Variants in PARN observed in about 807,000 individuals in gnomAD.
The protein encoded by PARN is poly(A)-specific ribonuclease PARN.
A neutral mutation model predicts 102.8 loss-of-function variants in PARN; 71 were observed. The observed-to-expected ratio is 0.69, with a 90% confidence interval of 0.57 to 0.84. The LOEUF (loss-of-function observed/expected upper bound fraction) is 0.84, where lower values mean the gene tolerates loss of function less well. PARN is among the 40% of genes least tolerant of loss of function. The pLI is 0.00. For missense variants in PARN, 782 were observed against 760.9 expected (o/e 1.03, Z -0.33); for synonymous variants, 261 against 252.9 (o/e 1.03, Z -0.30).
intron 21 of PARN, among the ~76,000 whole-genome samples, chr16:14,518,196 G>A (rs1424826965): frequency 7.4e-6 from 1 of 135,732 alleles, no homozygotes; most frequent in Non-Finnish European, 1.6e-5. Context: ...AGACCACAGA[G>A]AAAGACTACT....
chr16:14,543,518 C>T (rs1050296653), intron 21 of PARN, among the ~76,000 whole-genome samples: 3 of 151,968 alleles, frequency 2.0e-5, no homozygotes, highest in Admixed American at 1.3e-4. Flanking sequence ...TACATATGCC[C>T]AATTAAAGCC....
intron 22 of PARN, among the ~76,000 whole-genome samples, chr16:14,474,664 A>C (rs979410524): frequency 3.3e-5 from 5 of 152,228 alleles, no homozygotes; most frequent in African/African-American, 1.2e-4. Context: ...AAGGGAAGAG[A>C]GAATGAAGAG....
intron 5 of PARN, among the ~76,000 whole-genome samples, chr16:14,624,615 T>C (rs1364827565): frequency 1.3e-5 from 2 of 152,238 alleles, no homozygotes; most frequent in Admixed American, 6.5e-5. Context: ...TTTGTCTTGG[T>C]TGTTTAGAAC....
intron 5 of PARN, among the ~76,000 whole-genome samples, chr16:14,621,931 G>A (rs1173028435): frequency 6.6e-6 from 1 of 152,090 alleles, no homozygotes; most frequent in East Asian, 1.9e-4. Flanking sequence ...AGTGTCTCAC[G>A]CCTGTAATTC....
intron 21 of PARN, among the ~76,000 whole-genome samples, chr16:14,499,465 C>CA (rs1964476914): frequency 6.6e-6 from 1 of 152,178 alleles, no homozygotes; most frequent in South Asian, 2.1e-4. Flanking sequence ...AAAGAAGTAA[C>CA]AAGTTCTTCA....
intron 23 of PARN, among the ~76,000 whole-genome samples, chr16:14,441,737 A>T (rs1307737068): frequency 1.3e-5 from 2 of 152,202 alleles, no homozygotes; most frequent in Non-Finnish European, 2.9e-5. Context: ...CCACACTTGA[A>T]CATAGTAATT....
chr16:14,617,752 G>C, intron 5 of PARN, 102 bp from the exon 6 acceptor site: 1 of 745,274 alleles, frequency 1.3e-6, no homozygotes, highest in Non-Finnish European at 2.4e-6. Context: ...GACAATATGG[G>C]AAGGAAGCGA....
intron 22 of PARN, among the ~76,000 whole-genome samples, chr16:14,456,081 T>C (rs1360112729): frequency 2.0e-5 from 3 of 152,182 alleles, no homozygotes; most frequent in Non-Finnish European, 2.9e-5. Flanking sequence ...TGTGGTTGTA[T>C]TCTTGGACTC....
intron 22 of PARN, among the ~76,000 whole-genome samples, chr16:14,467,973 T>G (rs1962466038): frequency 1.3e-5 from 2 of 152,242 alleles, no homozygotes; most frequent in South Asian, 4.1e-4. Flanking sequence ...TATTACTTGC[T>G]AGGTGCGGGA....
At chr16:14,611,957 G>A (rs1971542217) in intron 6 of PARN, among the ~76,000 whole-genome samples, 1 of 152,124 alleles carries the variant, frequency 6.6e-6, no homozygotes. Flanking sequence ...TACACAAAAT[G>A]TACATGTACG....
chr16:14,459,564 C>T (rs1961854570), intron 22 of PARN, among the ~76,000 whole-genome samples: 1 of 152,194 alleles, frequency 6.6e-6, no homozygotes, highest in Non-Finnish European at 1.5e-5. Flanking sequence ...GGTTGGAAGA[C>T]TCAATGTAGT....
Position 14,436,499 on chromosome 16 carries a change from C to T in PARN, c.*218G>A, listed in dbSNP as rs1432667774. 1.7e-5 allele frequency: 10 copies of T among 594,928 alleles called. No individual in the cohort carries two copies. Among genetic ancestry groups the T allele is most frequent in the South Asian group, 4.1e-5 (2 of 49,208 alleles). The allele number at this position is 594,928 out of a possible 1,614,324, so 36.9% of individuals were successfully genotyped here. ...GTACACATTCATGACAGCCTACAACCGTGATGAGTGTCAATGTCAACAGGC... is the reference window on the plus strand; with the variant it reads ...GTACACATTCATGACAGCCTACAACTGTGATGAGTGTCAATGTCAACAGGC... On this transcript the variant is annotated 3_prime_UTR_variant, in exon 24 of 24. Coordinates refer to ENST00000437198, the MANE Select transcript of PARN (RefSeq NM_002582.4).
chr16:14,563,114 A>G (rs1968179186), intron 18 of PARN, among the ~76,000 whole-genome samples: 1 of 152,248 alleles, frequency 6.6e-6, no homozygotes, highest in Non-Finnish European at 1.5e-5. Flanking sequence ...ACCTCTGAGA[A>G]CTGAAAAGAT....
chr16:14,503,200 G>T (rs1964712285), intron 21 of PARN, among the ~76,000 whole-genome samples: 1 of 152,088 alleles, frequency 6.6e-6, no homozygotes. Flanking sequence ...CACCAGAAAG[G>T]AAAAGAGACT....
rs1206939777 is a variant in PARN at position 14,436,706 on chromosome 16, T to C, written c.*11A>G. The C allele has an allele frequency of 1.3e-6, 2 of 1,594,048 alleles. No homozygotes were observed. Among genetic ancestry groups the C allele is most frequent in the Non-Finnish European group, 1.7e-6 (2 of 1,168,538 alleles). On this transcript the variant is annotated 3_prime_UTR_variant, in exon 24 of 24. Coordinates refer to ENST00000437198, the MANE Select transcript of PARN (RefSeq NM_002582.4). ...CGACAGCACCAGCGGTTTGCTGCCC[T>C]CAGGTCTTGGTTACCATGTGTCAGG... is the stretch of plus-strand genomic sequence containing the variant.
At chr16:14,548,897 T>A (rs1440573003) in intron 21 of PARN, among the ~76,000 whole-genome samples, 1 of 149,364 alleles carries the variant, frequency 6.7e-6, no homozygotes, top group East Asian at 2.0e-4. Context: ...GAGGCTGCAG[T>A]GAGTCGAGTT....
At chr16:14,581,111 G>A (rs1969507943) in intron 17 of PARN, among the ~76,000 whole-genome samples, 168 bp from the exon 18 acceptor site, 1 of 152,010 alleles carries the variant, frequency 6.6e-6, no homozygotes, top group Non-Finnish European at 1.5e-5. Flanking sequence ...GGAGTGCAAT[G>A]GCGCAATCTC....
At position 14,630,115 on chromosome 16, in the gene PARN, A is replaced by G; in HGVS notation, c.11T>C (p.Ile4Thr). The G allele has an allele frequency of 6.4e-7, 1 of 1,562,274 alleles. No individual in the cohort carries two copies. Among genetic ancestry groups the G allele is most frequent in the East Asian group, 2.4e-5 (1 of 42,046 alleles). Residue 4 changes from isoleucine to threonine, a missense_variant, in exon 1 of 24, where the codon ATC becomes ACC. Physicochemically the swap from Ile to Thr is moderately conservative, Grantham distance 89. Coordinates refer to ENST00000437198, the MANE Select transcript of PARN (RefSeq NM_002582.4). ...GTACGGCGGACACGCACTGCTCCTG[A>G]TTATCTCCATTCTGCAGAGTGGCCG... MEI[I>T]RSNFKSNLHK...
intron 11 of PARN, among the ~76,000 whole-genome samples, chr16:14,601,499 A>G (rs1035596815): frequency 1.3e-5 from 2 of 152,210 alleles, no homozygotes; most frequent in Admixed American, 1.3e-4. Context: ...GTTTTGCAAG[A>G]TGAAGAGAAT....
Sources: gnomAD v4.1 joint callset for allele counts (sites outside exome capture counted in the v4.1 genomes callset) on GRCh38, gnomAD v4.1.1 for gene constraint, MANE v1.5 for transcripts, NCBI Gene and HGNC (gene_info 2026-07-23, HGNC 2026-07-21) for gene names.